Variants in PRKG1 observed in about 807,000 individuals in gnomAD.
PRKG1 encodes the protein protein kinase cGMP-dependent 1, also known as cGMP-dependent protein kinase 1.
PRKG1 carries 35 observed loss-of-function variants against 88.1 expected under a neutral mutation model. That is an observed-to-expected ratio of 0.40 (90% CI 0.30 to 0.53). PRKG1 has a LOEUF of 0.53. Ranked by LOEUF, PRKG1 falls within the 20% of genes least tolerant of loss-of-function variation. The pLI is 0.59. For synonymous variants in PRKG1, 303 were observed against 292.5 expected, an observed-to-expected ratio of 1.04 and a Z score of -0.37; for missense variants, 540 against 839.8, an observed-to-expected ratio of 0.64 and a Z score of 4.41.
At chr10:52,271,521 C>CTGT (rs1841730111) in intron 11 of PRKG1, 32 bp downstream of exon 11, 1 of 1,597,848 alleles carries the variant, frequency 6.3e-7, no homozygotes, top group Non-Finnish European at 8.5e-7. Flanking sequence ...CAGACGTACC[C>CTGT]AACTCCAAGT....
intron 2 of PRKG1, among the ~76,000 whole-genome samples, chr10:51,315,129 A>G (rs961127183): frequency 4.6e-5 from 7 of 152,200 alleles, no homozygotes; most frequent in African/African-American, 1.7e-4. Flanking sequence ...AAGTTATTTC[A>G]ATATTGTGTC....
Position 52,256,516 on chromosome 10 carries a change from A to T in PRKG1, c.1173+4850A>T, listed in dbSNP as rs1421581548. On this transcript the variant is annotated intron_variant, in intron 10 of 17. Coordinates refer to ENST00000373980, the MANE Select transcript of PRKG1 (RefSeq NM_006258.4). ...TTGTCTCTGAAATGATGATAATAATAGGATATGTACCTCACAAGGTTGTGA... is the reference window on the plus strand; with the variant it reads ...TTGTCTCTGAAATGATGATAATAATTGGATATGTACCTCACAAGGTTGTGA... 1.4e-5 allele frequency among the ~76,000 whole-genome samples: 2 copies of T among 139,620 alleles called. 1 individual carries two copies. The highest frequency in any genetic ancestry group is 3.2e-5 in the Non-Finnish European group (2 of 61,752). 91.6% of individuals were successfully genotyped at this position (139,620 alleles called of 152,430 possible).
intron 4 of PRKG1, among the ~76,000 whole-genome samples, chr10:51,819,599 G>A (rs1839690637): frequency 6.6e-6 from 1 of 152,154 alleles, no homozygotes; most frequent in South Asian, 2.1e-4. Flanking sequence ...AGAGTTAGTT[G>A]AAGCTGGGTT....
At chr10:51,710,715 T>C (rs1841723312) in intron 3 of PRKG1, among the ~76,000 whole-genome samples, 1 of 152,208 alleles carries the variant, frequency 6.6e-6, no homozygotes, top group Non-Finnish European at 1.5e-5. Context: ...AATTTAAATA[T>C]CATTGTGCTT....
At chr10:51,338,219 G>A (rs1841923680) in intron 2 of PRKG1, among the ~76,000 whole-genome samples, 1 of 152,204 alleles carries the variant, frequency 6.6e-6, no homozygotes, top group Admixed American at 6.5e-5. Context: ...TTGGGCAGTT[G>A]GGTAAGGGGA....
intron 2 of PRKG1, among the ~76,000 whole-genome samples, chr10:51,191,346 A>G (rs747053991): frequency 1.3e-5 from 2 of 151,806 alleles, no homozygotes; most frequent in Admixed American, 6.6e-5. Context: ...TGGGTAAATT[A>G]TATAACTTCT....
At chr10:51,387,297 A>C (rs966920398) in intron 2 of PRKG1, among the ~76,000 whole-genome samples, 3 of 149,598 alleles carry the variant, frequency 2.0e-5, no homozygotes, top group African/African-American at 7.3e-5. Context: ...GAAATGTTAT[A>C]TATTTTATAT....
At chr10:51,145,243 T>G (rs186726352) in intron 1 of PRKG1, among the ~76,000 whole-genome samples, 124 of 152,320 alleles carry the variant, frequency 8.1e-4, no homozygotes, top group African/African-American at 2.8e-3. Context: ...CTGACCTTGT[T>G]GGAAACAAAT....
At position 52,022,189 on chromosome 10, in the gene PRKG1, A is replaced by G. The variant is rs552284095; in HGVS notation, c.763-32295A>G. The stretch of plus-strand genomic sequence containing the variant: ...TGAATTTGTCCAACTGCAAGCTAAT[A>G]TAAGTGTTCTGATAACATTCAAAGT... On this transcript the variant is annotated intron_variant, in intron 5 of 17. Transcript: ENST00000373980. Among the ~76,000 whole-genome samples the G allele has an allele frequency of 3.3e-5, 5 of 152,300 alleles. No individual in the cohort carries two copies. The East Asian group carries it at 5.8e-4, about 18-fold the overall frequency.
intron 3 of PRKG1, among the ~76,000 whole-genome samples, chr10:51,508,521 GCAGT>G: frequency 6.6e-6 from 1 of 151,960 alleles, no homozygotes; most frequent in East Asian, 1.9e-4. Context: ...ATTTTTTAAA[GCAGT>G]CACTTTTATC....
In PRKG1 at chr10:52,012,683, T is replaced by C. The variant is rs180924943; in HGVS notation, c.763-41801T>C. Among the ~76,000 whole-genome samples the C allele has an allele frequency of 9.2e-5, 14 of 152,286 alleles. No individual in the cohort carries two copies. In the East Asian group the frequency reaches 2.5e-3, roughly 27 times the overall value. On this transcript the variant is annotated intron_variant, in intron 5 of 17. Coordinates refer to ENST00000373980, the MANE Select transcript of PRKG1 (RefSeq NM_006258.4). ...ATTACAGGCATCTGGCTTATTTGCCTTTTTAAAATGCAATATTGAGCACCA... is the reference window on the plus strand; with the variant it reads ...ATTACAGGCATCTGGCTTATTTGCCCTTTTAAAATGCAATATTGAGCACCA...
chr10:51,278,342 T>C (rs1348712806), intron 2 of PRKG1, among the ~76,000 whole-genome samples: 1 of 152,256 alleles, frequency 6.6e-6, no homozygotes, highest in Non-Finnish European at 1.5e-5. Context: ...GATGTGTTGC[T>C]GGATTCAGTT....
intron 3 of PRKG1, among the ~76,000 whole-genome samples, chr10:51,615,900 T>A (rs1383664746): frequency 6.6e-6 from 1 of 152,194 alleles, no homozygotes; most frequent in Non-Finnish European, 1.5e-5. Context: ...TCATTTTCCC[T>A]GTGTTCTGAC....
At chr10:51,983,753 G>A (rs1481568111) in intron 5 of PRKG1, among the ~76,000 whole-genome samples, 1 of 152,198 alleles carries the variant, frequency 6.6e-6, no homozygotes, top group African/African-American at 2.4e-5. Flanking sequence ...AGTGTCTGTG[G>A]TGGTTAAGGG....
At chr10:51,038,721 T>A (rs917129906) in intron 1 of PRKG1, among the ~76,000 whole-genome samples, 6 of 152,196 alleles carry the variant, frequency 3.9e-5, no homozygotes, top group African/African-American at 1.4e-4. Flanking sequence ...TCTTCTTTAT[T>A]CATTTATCGT....
At chr10:51,415,139 T>C (rs1588934981) in intron 2 of PRKG1, among the ~76,000 whole-genome samples, 1 of 152,338 alleles carries the variant, frequency 6.6e-6, no homozygotes, top group East Asian at 1.9e-4. Flanking sequence ...TCAGGCAGTC[T>C]GATCTCAGAG....
At chr10:52,273,012 G>T (rs973621915) in intron 12 of PRKG1, among the ~76,000 whole-genome samples, 2 of 151,952 alleles carry the variant, frequency 1.3e-5, no homozygotes, top group African/African-American at 4.8e-5. Flanking sequence ...TTAGGAAAAA[G>T]AAAAGAATCC....
At chr10:51,047,573 T>C (rs1414108550) in intron 1 of PRKG1, among the ~76,000 whole-genome samples, 2 of 144,386 alleles carry the variant, frequency 1.4e-5, no homozygotes, top group African/African-American at 5.2e-5. Context: ...AGTAGTAATT[T>C]AAAGGTGACA....
At chr10:51,936,787 G>A (rs749318826) in intron 5 of PRKG1, among the ~76,000 whole-genome samples, 1 of 151,994 alleles carries the variant, frequency 6.6e-6, no homozygotes, top group Non-Finnish European at 1.5e-5. Flanking sequence ...ATGACAAATA[G>A]AATTTACAAT....
Sources: gnomAD v4.1 joint callset for allele counts (sites outside exome capture counted in the v4.1 genomes callset) on GRCh38, gnomAD v4.1.1 for gene constraint, MANE v1.5 for transcripts, NCBI Gene and HGNC (gene_info 2026-07-23, HGNC 2026-07-21) for gene names.